The following ERC2 variants were observed in gnomAD, a reference collection of about 807,000 sequenced individuals.
ERC2 encodes ELKS/RAB6-interacting/CAST family member 2, also known as ERC protein 2.
A neutral mutation model predicts 114.8 loss-of-function variants in ERC2; 42 were observed. The observed-to-expected ratio is 0.37, with a 90% CI of 0.29 to 0.47. ERC2 has a LOEUF of 0.47. ERC2 is among the 20% of genes least tolerant of loss of function. The pLI, the probability that ERC2 is intolerant of heterozygous loss-of-function variation, is 0.99. For missense variants in ERC2, 939 were observed against 1,150.7 expected (o/e 0.82, Z 2.66); for synonymous variants, 454 against 425.5 (o/e 1.07, Z -0.82).
chr3:56,008,582 C>T (rs2149566036), intron 9 of ERC2, among the ~76,000 whole-genome samples: 1 of 152,230 alleles, frequency 6.6e-6, no homozygotes, highest in South Asian at 2.1e-4. Context: ...ATATTGTTTT[C>T]CTTTATAAAT....
chr3:55,576,140 T>A (rs1034557413), intron 17 of ERC2, among the ~76,000 whole-genome samples: 2 of 151,792 alleles, frequency 1.3e-5, no homozygotes, highest in African/African-American at 4.8e-5. Flanking sequence ...TGAAACCCTA[T>A]CTCCACTAAA....
chr3:55,768,610 C>T (rs2067982250), intron 14 of ERC2, among the ~76,000 whole-genome samples: 1 of 152,042 alleles, frequency 6.6e-6, no homozygotes, highest in African/African-American at 2.4e-5. Flanking sequence ...TGAACTGAGC[C>T]CTGAGGGATG....
chr3:56,254,669 T>C (rs907122944), intron 3 of ERC2, among the ~76,000 whole-genome samples: 1 of 152,244 alleles, frequency 6.6e-6, no homozygotes, highest in Non-Finnish European at 1.5e-5. Flanking sequence ...CCAAAATGAA[T>C]GTTGAATCAG....
chr3:55,727,423 A>G (rs571644024), intron 15 of ERC2, among the ~76,000 whole-genome samples: 16 of 152,356 alleles, frequency 1.1e-4, no homozygotes, highest in African/African-American at 3.8e-4. Context: ...ATAGTTTTAG[A>G]TATCTACTCT....
intron 17 of ERC2, among the ~76,000 whole-genome samples, chr3:55,587,972 A>C (rs2057682892): frequency 6.6e-6 from 1 of 152,184 alleles, no homozygotes; most frequent in Non-Finnish European, 1.5e-5. Context: ...TAAAAAATAA[A>C]TATCATTGCC....
At chr3:56,153,783 T>C (rs971143780) in intron 4 of ERC2, among the ~76,000 whole-genome samples, 1 of 152,186 alleles carries the variant, frequency 6.6e-6, no homozygotes, top group Admixed American at 6.6e-5. Flanking sequence ...AATTATATTA[T>C]TGCTGAGTGT....
chr3:56,287,164 CAT>C (rs1424632492), intron 3 of ERC2, among the ~76,000 whole-genome samples: 3 of 152,276 alleles, frequency 2.0e-5, no homozygotes, highest in South Asian at 2.1e-4. Context: ...ATGAAATGCA[CAT>C]GTCTTAGGAG....
At chr3:55,643,615 T>C (rs61525025) in intron 17 of ERC2, among the ~76,000 whole-genome samples, 21,280 of 152,224 alleles carry the variant, frequency 0.14, 2,458 homozygotes, top group African/African-American at 0.31. Flanking sequence ...AGGGTTATCA[T>C]GAAGATTAAA....
At chr3:56,129,485 T>C (rs916934318) in intron 6 of ERC2, among the ~76,000 whole-genome samples, 10 of 152,340 alleles carry the variant, frequency 6.6e-5, no homozygotes, top group African/African-American at 2.4e-4. Context: ...GAGTAAAGAA[T>C]GTGAACTCGG....
At chr3:55,583,381 T>G (rs2057364096) in intron 17 of ERC2, among the ~76,000 whole-genome samples, 2 of 129,492 alleles carry the variant, frequency 1.5e-5, no homozygotes, top group African/African-American at 6.4e-5. Flanking sequence ...CTTCTTTCCT[T>G]CTTTCTTTCC....
intron 14 of ERC2, among the ~76,000 whole-genome samples, chr3:55,873,017 T>C (rs1441256921): frequency 1.3e-5 from 2 of 152,172 alleles, no homozygotes; most frequent in Non-Finnish European, 1.5e-5. Context: ...CACTGTCATC[T>C]AATGAGCAGA....
intron 16 of ERC2, among the ~76,000 whole-genome samples, chr3:55,686,791 G>T (rs1370627246): frequency 2.0e-5 from 3 of 152,174 alleles, no homozygotes; most frequent in Non-Finnish European, 4.4e-5. Context: ...TCTGAATGCT[G>T]CTCGGTGTTT....
intron 17 of ERC2, among the ~76,000 whole-genome samples, chr3:55,538,805 T>C (rs1049454402): frequency 2.0e-5 from 3 of 152,194 alleles, no homozygotes; most frequent in African/African-American, 7.2e-5. Context: ...ATGGGAAGAA[T>C]TACTGTTTTG....
At chr3:56,307,728 A>G (rs1481776345) in intron 2 of ERC2, among the ~76,000 whole-genome samples, 3 of 152,198 alleles carry the variant, frequency 2.0e-5, no homozygotes, top group Non-Finnish European at 4.4e-5. Flanking sequence ...CTGAAACAGC[A>G]TTCTGCAGAT....
intron 3 of ERC2, among the ~76,000 whole-genome samples, chr3:56,188,860 G>A (rs941499204): frequency 3.9e-5 from 6 of 152,126 alleles, no homozygotes; most frequent in Admixed American, 1.3e-4. Context: ...CCTTATAAAT[G>A]TTAAGCCAAA....
At chr3:56,404,658 G>C (rs1576791153) in intron 2 of ERC2, among the ~76,000 whole-genome samples, 1 of 151,490 alleles carries the variant, frequency 6.6e-6, no homozygotes, top group East Asian at 1.9e-4. Flanking sequence ...CATGCCTGTA[G>C]CAAAACATGC....
chr3:56,036,555 C>G (rs1289920551), intron 7 of ERC2, among the ~76,000 whole-genome samples: 3 of 152,128 alleles, frequency 2.0e-5, no homozygotes, highest in Admixed American at 2.0e-4. Flanking sequence ...GAATCCTGCA[C>G]CTCCAGCTGA....
At chr3:56,430,249 C>T (rs1354171760) in intron 2 of ERC2, among the ~76,000 whole-genome samples, 1 of 152,194 alleles carries the variant, frequency 6.6e-6, no homozygotes, top group Non-Finnish European at 1.5e-5. Context: ...TGTCCCTTAT[C>T]CCTTTTGTAT....
At chr3:56,409,863 T>G (rs888706087) in intron 2 of ERC2, among the ~76,000 whole-genome samples, 4 of 152,340 alleles carry the variant, frequency 2.6e-5, no homozygotes, top group East Asian at 1.9e-4. Context: ...CTGTGCTCTG[T>G]GCTGTGGGCT....
Sources: gnomAD v4.1 joint callset for allele counts (sites outside exome capture counted in the v4.1 genomes callset) on GRCh38, gnomAD v4.1.1 for gene constraint, MANE v1.5 for transcripts, NCBI Gene and HGNC (gene_info 2026-07-23, HGNC 2026-07-21) for gene names.